Variants in B3GALT4 observed in about 807,000 individuals in gnomAD.
B3GALT4 encodes the protein UDP-Gal:betaGlcNAc beta 1,3-galactosyltransferase 4.
A neutral mutation model predicts 1.6 loss-of-function variants in B3GALT4; 1 was observed. The ratio of observed to expected loss-of-function variants is 0.64; its 90% CI spans 0.23 to 3.05. B3GALT4 has a LOEUF of 3.05. Ranked by LOEUF, B3GALT4 falls within the 30% of genes most tolerant of loss-of-function variation. The pLI, the probability that B3GALT4 is intolerant of heterozygous loss-of-function variation, is 0.21. For synonymous variants in B3GALT4, 259 were observed against 222.6 expected, an observed-to-expected ratio of 1.16 and a Z score of -1.46; for missense variants, 441 against 486.9, an observed-to-expected ratio of 0.91 and a Z score of 0.89.
In B3GALT4 at chr6:33,278,630, G is replaced by A; in HGVS notation, c.*74G>A. 1.3e-6 allele frequency: 2 copies of A among 1,494,658 alleles called. No homozygotes were observed. The highest frequency in any genetic ancestry group is 1.8e-6 in the Non-Finnish European group (2 of 1,121,516). The allele number at this position is 1,494,658 out of a possible 1,614,324, so 92.6% of individuals were successfully genotyped here. The stretch of plus-strand genomic sequence containing the variant: ...AGGCCCAACGCAGGGGCCCTCACTG[G>A]CTGCAGCTGATCTGTTTCCTTATAC... On this transcript the variant is annotated 3_prime_UTR_variant, in exon 1 of 1. Coordinates refer to ENST00000451237, the MANE Select transcript of B3GALT4 (RefSeq NM_003782.4). This position sits in a 1 kb window ranked among gnomAD's most constrained non-coding sequence, Gnocchi z 5.2.
chr6:33,277,923 C>T lies in B3GALT4; in HGVS notation c.504C>T (p.Ala168=), dbSNP rs1562604680. The part of the protein sequence containing the change: ...LNWAEKHCPM[A]RYVLKTDDDV... ...GGGCTGAGAAACACTGCCCCATGGC[C>T]CGATACGTCCTCAAGACGGACGATG... is the stretch of plus-strand genomic sequence containing the variant. The change falls in exon 1 of 1, where the codon GCC becomes GCT. Residue 168 remains alanine, a synonymous_variant. Transcript: ENST00000451237. The surrounding 1 kb of genome is among the most constrained non-coding windows in gnomAD (Gnocchi z 5.3). 3 of 1,614,200 alleles carry T rather than the reference C, an allele frequency of 1.9e-6. No individual in the cohort carries two copies. Among genetic ancestry groups the T allele is most frequent in the Non-Finnish European group, 8.5e-7 (1 of 1,180,040 alleles).
chr6:33,278,329 G>A lies in B3GALT4; in HGVS notation c.910G>A (p.Ala304Thr). Residue 304 changes from alanine to threonine, a missense_variant, in exon 1 of 1, where the codon GCC becomes ACC. By Grantham distance (58) the Ala-to-Thr change is moderately conservative. Coordinates refer to ENST00000451237, the MANE Select transcript of B3GALT4 (RefSeq NM_003782.4). This position sits in a 1 kb window ranked among gnomAD's most constrained non-coding sequence, Gnocchi z 5.2. ...VGVSARRGGL[A>T]PTQCVKLAGA... Reference sequence around the variant, plus strand: ...GGTAAGTGCCCGACGAGGAGGCCTCGCCCCAACACAGTGTGTCAAGCTGGC... The same window carrying A: ...GGTAAGTGCCCGACGAGGAGGCCTCACCCCAACACAGTGTGTCAAGCTGGC... The A allele has an allele frequency of 6.2e-7, 1 of 1,611,264 alleles. No individual in the cohort carries two copies. Among genetic ancestry groups the A allele is most frequent in the Non-Finnish European group, 8.5e-7 (1 of 1,178,262 alleles).
At position 33,278,154 on chromosome 6, in the gene B3GALT4, C is replaced by G; in HGVS notation, c.735C>G (p.Arg245=). The change falls in exon 1 of 1, where the codon CGC becomes CGG. Residue 245 remains arginine (R), a synonymous_variant. Transcript: ENST00000451237. The surrounding 1 kb of genome is among the most constrained non-coding windows in gnomAD (Gnocchi z 5.2). ...CTCGGACACCGGGGGGCAGGCACCG[C>G]GTATCAGAGGAGCAGTGGCCTCACA... ...NPSRTPGGRH[R]VSEEQWPHTW... 1 of 1,613,290 alleles carries G rather than the reference C, an allele frequency of 6.2e-7. No homozygotes were observed.
rs749010497 is a variant in B3GALT4 at position 33,277,891 on chromosome 6, C to G, written c.472C>G (p.Leu158Val). 1.9e-6 allele frequency: 3 copies of G among 1,614,012 alleles called. No individual in the cohort carries two copies. The highest frequency in any genetic ancestry group is 2.2e-5 in the South Asian group (2 of 91,086). The change falls in exon 1 of 1, where the codon CTG becomes GTG. Residue 158 changes from leucine to valine, a missense_variant. Coordinates refer to ENST00000451237, the MANE Select transcript of B3GALT4 (RefSeq NM_003782.4). This position sits in a 1 kb window ranked among gnomAD's most constrained non-coding sequence, Gnocchi z 5.3. ...RNLTLKTLSG[L>V]NWAEKHCPMA... Reference sequence around the variant, plus strand: ...CCTCACCCTAAAGACCCTCAGCGGGCTGAACTGGGCTGAGAAACACTGCCC... The same window carrying G: ...CCTCACCCTAAAGACCCTCAGCGGGGTGAACTGGGCTGAGAAACACTGCCC...
Position 33,277,251 on chromosome 6 carries a change from G to A in B3GALT4, c.-169G>A. ...ACCCCCGCAGCATGCCTCGACCGCG[G>A]TCCGCAGCTGCACCGCCTCTCCCCG... On this transcript the variant is annotated 5_prime_UTR_variant, in exon 1 of 1. Transcript: ENST00000451237. This position sits in a 1 kb window ranked among gnomAD's most constrained non-coding sequence, Gnocchi z 5.3. The A allele has an allele frequency of 1.6e-6, 2 of 1,270,708 alleles. No individual in the cohort carries two copies. Among genetic ancestry groups the A allele is most frequent in the Non-Finnish European group, 2.1e-6 (2 of 956,438 alleles). 78.7% of individuals were successfully genotyped at this position (1,270,708 alleles called of 1,614,324 possible).
chr6:33,278,075 G>C lies in B3GALT4; in HGVS notation c.656G>C (p.Ser219Thr). The change falls in exon 1 of 1, where the codon AGC becomes ACC. Residue 219 changes from serine to threonine, a missense_variant. Transcript: ENST00000451237. This position sits in a 1 kb window ranked among gnomAD's most constrained non-coding sequence, Gnocchi z 5.2. Reference protein sequence around the residue: ...AEQEGGQVLHSEEVPLLYLGR... With the variant: ...AEQEGGQVLHTEEVPLLYLGR... ...CAGGAAGGAGGCCAGGTTTTGCACAGCGAGGAAGTGCCTCTTCTGTACTTG... is the reference window on the plus strand; with the variant it reads ...CAGGAAGGAGGCCAGGTTTTGCACACCGAGGAAGTGCCTCTTCTGTACTTG... 1 of 1,613,970 alleles carries C rather than the reference G, an allele frequency of 6.2e-7. No individual in the cohort carries two copies. Among genetic ancestry groups the C allele is most frequent in the African/African-American group, 1.3e-5 (1 of 75,060 alleles).
chr6:33,277,532 C>T lies in B3GALT4; in HGVS notation c.113C>T (p.Ala38Val), dbSNP rs957962678. 3.1e-6 allele frequency: 5 copies of T among 1,611,970 alleles called. No individual in the cohort carries two copies. Among genetic ancestry groups the T allele is most frequent in the African/African-American group, 1.3e-5 (1 of 74,922 alleles). The change falls in exon 1 of 1, where the codon GCC becomes GTC. Residue 38 changes from alanine (A) to valine (V), a missense_variant. By Grantham distance (64) the Ala-to-Val change is moderately conservative. Transcript: ENST00000451237. The surrounding 1 kb of genome is among the most constrained non-coding windows in gnomAD (Gnocchi z 5.3). ...GAGGAGCTGCTGAGCCTCTCACTAG[C>T]CTCCCTGCTCCCAGCCCCCGCCTCA... is the stretch of plus-strand genomic sequence containing the variant. ...LGEELLSLSL[A>V]SLLPAPASPG...
At position 33,278,078 on chromosome 6, in the gene B3GALT4, A is replaced by G; in HGVS notation, c.659A>G (p.Glu220Gly). The G allele has an allele frequency of 1.2e-6, 2 of 1,613,912 alleles. No individual in the cohort carries two copies. The highest frequency in any genetic ancestry group is 1.7e-6 in the Non-Finnish European group (2 of 1,179,912). ...EQEGGQVLHS[E>G]EVPLLYLGRV... is the part of the protein sequence containing the mutation. ...GAAGGAGGCCAGGTTTTGCACAGCGAGGAAGTGCCTCTTCTGTACTTGGGC... is the reference window on the plus strand; with the variant it reads ...GAAGGAGGCCAGGTTTTGCACAGCGGGGAAGTGCCTCTTCTGTACTTGGGC... Residue 220 changes from glutamate to glycine, a missense_variant, in exon 1 of 1, where the codon GAG becomes GGG. Coordinates refer to ENST00000451237, the MANE Select transcript of B3GALT4 (RefSeq NM_003782.4). This position sits in a 1 kb window ranked among gnomAD's most constrained non-coding sequence, Gnocchi z 5.2.
chr6:33,278,085 G>T lies in B3GALT4; in HGVS notation c.666G>T (p.Val222=). The stretch of plus-strand genomic sequence containing the variant: ...GCCAGGTTTTGCACAGCGAGGAAGT[G>T]CCTCTTCTGTACTTGGGCCGGGTGC... The part of the protein sequence containing the change: ...EGGQVLHSEE[V]PLLYLGRVHW... Residue 222 remains valine, a synonymous_variant, in exon 1 of 1, where the codon GTG becomes GTT. Coordinates refer to ENST00000451237, the MANE Select transcript of B3GALT4 (RefSeq NM_003782.4). The surrounding 1 kb of genome is among the most constrained non-coding windows in gnomAD (Gnocchi z 5.2). 1 of 1,613,888 alleles carries T rather than the reference G, an allele frequency of 6.2e-7. No individual in the cohort carries two copies. The highest frequency in any genetic ancestry group is 8.5e-7 in the Non-Finnish European group (1 of 1,179,918).
Position 33,277,339 on chromosome 6 carries a change from T to A in B3GALT4, c.-81T>A. 2.6e-6 allele frequency: 4 copies of A among 1,523,310 alleles called. No homozygotes were observed. The South Asian group carries it at 5.1e-5, about 19-fold the overall frequency. 94.4% of individuals were successfully genotyped at this position (1,523,310 alleles called of 1,614,324 possible). ...CCTCCGCATCCCGGGCGTGGTCGGT[T>A]AAGTCCCCGGCCGTGACCCAGGCCC... On this transcript the variant is annotated 5_prime_UTR_variant, in exon 1 of 1. The change abolishes the stop of an existing upstream ORF in the 5' untranslated region. Coordinates refer to ENST00000451237, the MANE Select transcript of B3GALT4 (RefSeq NM_003782.4). The surrounding 1 kb of genome is among the most constrained non-coding windows in gnomAD (Gnocchi z 5.3).
Position 33,277,564 on chromosome 6 carries a change from C to A in B3GALT4, c.145C>A (p.Pro49Thr). The stretch of plus-strand genomic sequence containing the variant: ...GCTCCCAGCCCCCGCCTCACCGGGG[C>A]CGCCCCTGGCCCTGCCCCGCCTCTT... ...SLLPAPASPG[P>T]PLALPRLLIP... Residue 49 changes from proline to threonine, a missense_variant, in exon 1 of 1, where the codon CCG becomes ACG. Physicochemically the swap from Pro to Thr is conservative, Grantham distance 38 (BLOSUM62 -1). Transcript: ENST00000451237. This position sits in a 1 kb window ranked among gnomAD's most constrained non-coding sequence, Gnocchi z 5.3. 6.2e-7 allele frequency: 1 copy of A among 1,611,554 alleles called. No individual in the cohort carries two copies.
chr6:33,278,798 A>C lies in B3GALT4; in HGVS notation c.*242A>C. ...AAGCTAGGGCAGAAGAGGGGTGTCA[A>C]GCTCCTCAATAAACTTGTCTCCACT... On this transcript the variant is annotated 3_prime_UTR_variant, in exon 1 of 1. Transcript: ENST00000451237. This position sits in a 1 kb window ranked among gnomAD's most constrained non-coding sequence, Gnocchi z 5.2. 1 of 637,572 alleles carries C rather than the reference A, an allele frequency of 1.6e-6. No homozygotes were observed. The allele number at this position is 637,572 out of a possible 1,614,324, so 39.5% of individuals were successfully genotyped here. A position where few individuals can be genotyped will look rare whatever the true frequency, so the allele number is the denominator to read the frequency against.
In B3GALT4 at chr6:33,277,584, C is replaced by T; in HGVS notation, c.165C>T (p.Arg55=). 1 of 1,612,212 alleles carries T rather than the reference C, an allele frequency of 6.2e-7. No homozygotes were observed. Among genetic ancestry groups the T allele is most frequent in the Non-Finnish European group, 8.5e-7 (1 of 1,179,156 alleles). Residue 55 remains arginine (R), a synonymous_variant, in exon 1 of 1, where the codon CGC becomes CGT. Coordinates refer to ENST00000451237, the MANE Select transcript of B3GALT4 (RefSeq NM_003782.4). The surrounding 1 kb of genome is among the most constrained non-coding windows in gnomAD (Gnocchi z 5.3). ...ASPGPPLALP[R]LLIPNQEACS... ...CGGGGCCGCCCCTGGCCCTGCCCCGCCTCTTGATCCCCAACCAGGAAGCTT... is the reference window on the plus strand; with the variant it reads ...CGGGGCCGCCCCTGGCCCTGCCCCGTCTCTTGATCCCCAACCAGGAAGCTT...
In B3GALT4 at chr6:33,277,674, C is replaced by T; in HGVS notation, c.255C>T (p.Asn85=). 1 of 1,613,976 alleles carries T rather than the reference C, an allele frequency of 6.2e-7. No homozygotes were observed. Among genetic ancestry groups the T allele is most frequent in the Non-Finnish European group, 8.5e-7 (1 of 1,180,028 alleles). ...ILVCTAPENL[N]QRNAIRASWG... ...TGTGCACGGCTCCGGAGAACCTGAA[C>T]CAGAGAAACGCCATTCGGGCTTCGT... Residue 85 remains asparagine, a synonymous_variant, in exon 1 of 1, where the codon AAC becomes AAT. Coordinates refer to ENST00000451237, the MANE Select transcript of B3GALT4 (RefSeq NM_003782.4). The surrounding 1 kb of genome is among the most constrained non-coding windows in gnomAD (Gnocchi z 5.3).
Position 33,278,578 on chromosome 6 carries a change from A to G in B3GALT4, c.*22A>G. On this transcript the variant is annotated 3_prime_UTR_variant, in exon 1 of 1. Coordinates refer to ENST00000451237, the MANE Select transcript of B3GALT4 (RefSeq NM_003782.4). The surrounding 1 kb of genome is among the most constrained non-coding windows in gnomAD (Gnocchi z 5.2). ...CTGAGAGTGCCTGGGGCCACAGGAA[A>G]GGCAGGAACAGGACCTTCTCTCTCC... is the stretch of plus-strand genomic sequence containing the variant. 1.3e-6 allele frequency: 2 copies of G among 1,517,838 alleles called. No homozygotes were observed. Among genetic ancestry groups the G allele is most frequent in the Admixed American group, 2.2e-5 (1 of 44,758 alleles). The allele number at this position is 1,517,838 out of a possible 1,614,324, so 94.0% of individuals were successfully genotyped here.
In B3GALT4 at chr6:33,278,303, G is replaced by A. The variant is rs778910553; in HGVS notation, c.884G>A (p.Gly295Glu). Reference sequence around the variant, plus strand: ...CTCCCATTAGAGGATGTCTTTGTGGGGGTAAGTGCCCGACGAGGAGGCCTC... The same window carrying A: ...CTCCCATTAGAGGATGTCTTTGTGGAGGTAAGTGCCCGACGAGGAGGCCTC... ...PLLPLEDVFV[G>E]VSARRGGLAP... The change falls in exon 1 of 1, where the codon GGG becomes GAG. Residue 295 changes from glycine to glutamate, a missense_variant. Physicochemically the swap from Gly to Glu is moderately conservative, Grantham distance 98. Coordinates refer to ENST00000451237, the MANE Select transcript of B3GALT4 (RefSeq NM_003782.4). This position sits in a 1 kb window ranked among gnomAD's most constrained non-coding sequence, Gnocchi z 5.2. The A allele has an allele frequency of 1.9e-6, 3 of 1,613,722 alleles. No individual in the cohort carries two copies. In the South Asian group the frequency reaches 3.3e-5, roughly 18 times the overall value.
rs888647524 is a variant in B3GALT4, at chr6:33,278,063, A to G, written c.644A>G (p.Gln215Arg). The G allele has an allele frequency of 1.2e-6, 2 of 1,613,874 alleles. No homozygotes were observed. The highest frequency in any genetic ancestry group is 1.7e-6 in the Non-Finnish European group (2 of 1,179,912). ...PQREAEQEGGQVLHSEEVPLL... is the reference protein window; with the variant it reads ...PQREAEQEGGRVLHSEEVPLL... ...AGAGAGGCTGAGCAGGAAGGAGGCC[A>G]GGTTTTGCACAGCGAGGAAGTGCCT... Residue 215 changes from glutamine (Q) to arginine (R), a missense_variant, in exon 1 of 1, where the codon CAG becomes CGG. By Grantham distance (43) the Gln-to-Arg change is conservative. Coordinates refer to ENST00000451237, the MANE Select transcript of B3GALT4 (RefSeq NM_003782.4). This position sits in a 1 kb window ranked among gnomAD's most constrained non-coding sequence, Gnocchi z 5.2.
chr6:33,277,351 C>T lies in B3GALT4; in HGVS notation c.-69C>T. The T allele has an allele frequency of 6.4e-7, 1 of 1,550,618 alleles. No individual in the cohort carries two copies. ...GGGCGTGGTCGGTTAAGTCCCCGGC[C>T]GTGACCCAGGCCCGGGGAGCTAGTC... On this transcript the variant is annotated 5_prime_UTR_variant, in exon 1 of 1. Coordinates refer to ENST00000451237, the MANE Select transcript of B3GALT4 (RefSeq NM_003782.4). This position sits in a 1 kb window ranked among gnomAD's most constrained non-coding sequence, Gnocchi z 5.3.
rs1765810857 is a variant in B3GALT4 at position 33,278,317 on chromosome 6, C to G, written c.898C>G (p.Arg300Gly). The G allele has an allele frequency of 6.2e-7, 1 of 1,613,172 alleles. No individual in the cohort carries two copies. Residue 300 changes from arginine to glycine, a missense_variant, in exon 1 of 1, where the codon CGA (arginine) becomes GGA (glycine). Transcript: ENST00000451237. The surrounding 1 kb of genome is among the most constrained non-coding windows in gnomAD (Gnocchi z 5.2). ...EDVFVGVSARRGGLAPTQCVK... is the reference protein window; with the variant it reads ...EDVFVGVSARGGGLAPTQCVK... ...TGTCTTTGTGGGGGTAAGTGCCCGA[C>G]GAGGAGGCCTCGCCCCAACACAGTG...
Sources: gnomAD v4.1 joint callset for allele counts on GRCh38, gnomAD v4.1.1 for gene constraint, Gnocchi (gnomAD v3.1) non-coding constraint, MANE v1.5 for transcripts, NCBI Gene and HGNC (gene_info 2026-07-23, HGNC 2026-07-21) for gene names.